Variants in KCNQ1 observed in about 807,000 individuals in gnomAD.
KCNQ1 encodes the protein potassium voltage-gated channel subfamily Q member 1, also known as potassium voltage-gated channel subfamily KQT member 1.
Under a neutral mutation model 72.4 loss-of-function variants are expected in KCNQ1, and 49 were observed. The observed-to-expected ratio is 0.68, with a 90% confidence interval of 0.54 to 0.86. KCNQ1 has a LOEUF of 0.86. Ranked by LOEUF, KCNQ1 falls within the 40% of genes least tolerant of loss-of-function variation. The pLI is 0.00. For missense variants in KCNQ1, 790 were observed against 945.1 expected, an observed-to-expected ratio of 0.84 and a Z score of 2.15; for synonymous variants, 450 against 412.6, an observed-to-expected ratio of 1.09 and a Z score of -1.10.
intron 15 of KCNQ1, among the ~76,000 whole-genome samples, chr11:2,819,066 T>C (rs1347793205): frequency 1.3e-5 from 2 of 152,240 alleles, no homozygotes; most frequent in Admixed American, 6.5e-5. Context: ...GATTCTGCCC[T>C]ACAGGATTAG....
chr11:2,528,703 G>A (rs892774810), intron 2 of KCNQ1, among the ~76,000 whole-genome samples: 1 of 152,244 alleles, frequency 6.6e-6, no homozygotes, highest in African/African-American at 2.4e-5. Flanking sequence ...CCGTGGCCAG[G>A]CTTTTGTGTT....
intron 10 of KCNQ1, chr11:2,609,812 CCTTTGA>C (rs1848949008): frequency 2.5e-6 from 1 of 398,076 alleles, no homozygotes; most frequent in Non-Finnish European, 4.4e-6. Flanking sequence ...TTTAAAATCT[CCTTTGA>C]CTTTATTATA....
At chr11:2,521,662 CT>C (rs1022051348) in intron 1 of KCNQ1, 4 of 402,968 alleles carry the variant, frequency 9.9e-6, no homozygotes, top group African/African-American at 4.2e-5. Context: ...AGGTGGCTCT[CT>C]TTAAGGTTCC....
chr11:2,623,619 T>C lies in KCNQ1; in HGVS notation c.1393+34765T>C, dbSNP rs1849211400. 2.5e-6 allele frequency: 1 copy of C among 398,608 alleles called. No homozygotes were observed. Among genetic ancestry groups the C allele is most frequent in the Non-Finnish European group, 4.4e-6 (1 of 226,048 alleles). The allele number at this position is 398,608 out of a possible 1,614,324, so 24.7% of individuals were successfully genotyped here. The stretch of plus-strand genomic sequence containing the variant: ...TTGATAGCTCATTTCTATTTAGTGA[T>C]GAATAATATTTCATTGCCTGGATGT... On this transcript the variant is annotated intron_variant, in intron 10 of 15. Transcript: ENST00000155840. The surrounding 1 kb of genome is among the most constrained non-coding windows in gnomAD (Gnocchi z 5.2).
rs1308171860 is a variant in KCNQ1 at position 2,662,206 on chromosome 11, T to G, written c.1514+125T>G. The G allele has an allele frequency of 7.4e-6, 10 of 1,349,252 alleles. No homozygotes were observed. The East Asian group carries it at 2.3e-4, about 31-fold the overall frequency. The allele number at this position is 1,349,252 out of a possible 1,614,324, so 83.6% of individuals were successfully genotyped here. On this transcript the variant is annotated intron_variant, in intron 11 of 15. Coordinates refer to ENST00000155840, the MANE Select transcript of KCNQ1 (RefSeq NM_000218.3). ...TATCTACTCGCCTAGTGCCCACCAC[T>G]TGCCGTCTGCCTGGCCCCAACACGG...
At chr11:2,619,119 A>C (rs1156419157) in intron 10 of KCNQ1, 1 of 398,528 alleles carries the variant, frequency 2.5e-6, no homozygotes, top group African/African-American at 2.1e-5. Flanking sequence ...TGTCATCTTC[A>C]TATAAAGATA....
In KCNQ1 at chr11:2,515,627, C is replaced by T. The variant is rs893246981; in HGVS notation, c.387-12301C>T. On this transcript the variant is annotated intron_variant, in intron 1 of 15. Transcript: ENST00000155840. The surrounding 1 kb of genome is among the most constrained non-coding windows in gnomAD (Gnocchi z 4.7). ...ATCTGGTCTGCCCAGCCCCTCCTCA[C>T]CCTAGGCAGGCCTCTCACAGAGACA... 1.3e-5 allele frequency among the ~76,000 whole-genome samples: 2 copies of T among 152,148 alleles called. No homozygotes were observed. The highest frequency in any genetic ancestry group is 2.9e-5 in the Non-Finnish European group (2 of 68,016).
At chr11:2,449,250 G>C (rs946501478) in intron 1 of KCNQ1, among the ~76,000 whole-genome samples, 4 of 152,258 alleles carry the variant, frequency 2.6e-5, no homozygotes, top group Non-Finnish European at 5.9e-5. Flanking sequence ...TGAAGCCACA[G>C]CTCCCTGTGG....
chr11:2,519,029 A>G (rs116615286), intron 1 of KCNQ1, among the ~76,000 whole-genome samples: 3,421 of 152,228 alleles, frequency 0.022, 108 homozygotes, highest in African/African-American at 0.071. Context: ...AGGGGCTTCC[A>G]AGGCCCTGCC....
intron 2 of KCNQ1, among the ~76,000 whole-genome samples, chr11:2,529,708 C>T (rs1348682319): frequency 6.6e-6 from 1 of 152,154 alleles, no homozygotes; most frequent in East Asian, 1.9e-4. Context: ...TTCCCTCTGT[C>T]CTTTGCATCT....
chr11:2,586,134 C>T (rs545558404), intron 8 of KCNQ1, among the ~76,000 whole-genome samples: 12 of 152,290 alleles, frequency 7.9e-5, no homozygotes, highest in African/African-American at 1.4e-4. Context: ...ATAGGGCCTC[C>T]GCCCAGTGCA....
rs567227533 is a variant in KCNQ1 at position 2,582,168 on chromosome 11, C to T, written c.922-1267C>T. On this transcript the variant is annotated intron_variant, in intron 6 of 15. Coordinates refer to ENST00000155840, the MANE Select transcript of KCNQ1 (RefSeq NM_000218.3). ...TGGCCGCTTCTGCTACCTGAGCCTC[C>T]GAGCCTCCTGCTGTGGCAGTTCTGG... Among the ~76,000 whole-genome samples, 285 of 152,298 alleles carry T rather than the reference C, an allele frequency of 1.9e-3. 3 individuals are homozygous for T. Among genetic ancestry groups the T allele is most frequent in the East Asian group, 7.5e-3 (39 of 5,168 alleles).
intron 15 of KCNQ1, among the ~76,000 whole-genome samples, chr11:2,833,780 AGT>A (rs1848004201): frequency 6.6e-6 from 1 of 152,222 alleles, no homozygotes; most frequent in Non-Finnish European, 1.5e-5. Flanking sequence ...CCGAGACAAC[AGT>A]GGGGAAGGTG....
At chr11:2,519,782 C>A (rs1450204914) in intron 1 of KCNQ1, among the ~76,000 whole-genome samples, 1 of 129,952 alleles carries the variant, frequency 7.7e-6, no homozygotes, top group Non-Finnish European at 1.6e-5. Context: ...GGCCCCCCCC[C>A]ACAACATTGG....
intron 11 of KCNQ1, chr11:2,681,842 A>G (rs1053386809): frequency 2.5e-6 from 1 of 398,422 alleles, no homozygotes; most frequent in African/African-American, 2.1e-5. Flanking sequence ...CTCCCCAAAC[A>G]TCAAGGTACT....
At position 2,488,408 on chromosome 11, in the gene KCNQ1, T is replaced by G. The variant is rs35955303; in HGVS notation, c.387-39520T>G. ...ACCTTTCCCCTCCTCTTTAATTTTTTGGGAAAGATTGAGAAGGATGGGAGT... is the reference window on the plus strand; with the variant it reads ...ACCTTTCCCCTCCTCTTTAATTTTTGGGGAAAGATTGAGAAGGATGGGAGT... On this transcript the variant is annotated intron_variant, in intron 1 of 15. Coordinates refer to ENST00000155840, the MANE Select transcript of KCNQ1 (RefSeq NM_000218.3). This position sits in a 1 kb window ranked among gnomAD's most constrained non-coding sequence, Gnocchi z 5.1. 0.17 allele frequency among the ~76,000 whole-genome samples: 26,602 copies of G among 152,204 alleles called. 2,459 individuals are homozygous for G. The highest frequency in any genetic ancestry group is 0.24 in the African/African-American group (9,817 of 41,538).
chr11:2,804,349 C>G (rs1199383521), intron 15 of KCNQ1, among the ~76,000 whole-genome samples: 1 of 152,214 alleles, frequency 6.6e-6, no homozygotes, highest in East Asian at 1.9e-4. Flanking sequence ...AGTCACCCAA[C>G]TCAGTGGTAG....
intron 1 of KCNQ1, among the ~76,000 whole-genome samples, chr11:2,455,439 G>C (rs1339232673): frequency 6.6e-6 from 1 of 152,146 alleles, no homozygotes; most frequent in Non-Finnish European, 1.5e-5. Context: ...CAAACTCAGA[G>C]CCAAATCAAG....
At chr11:2,615,018 C>A in intron 10 of KCNQ1, 1 of 398,426 alleles carries the variant, frequency 2.5e-6, no homozygotes, top group Non-Finnish European at 4.4e-6. Flanking sequence ...ATCTTCCAAT[C>A]TGTGAACACA....
Sources: gnomAD v4.1 joint callset for allele counts (sites outside exome capture counted in the v4.1 genomes callset) on GRCh38, gnomAD v4.1.1 for gene constraint, Gnocchi (gnomAD v3.1) non-coding constraint, MANE v1.5 for transcripts, NCBI Gene and HGNC (gene_info 2026-07-23, HGNC 2026-07-21) for gene names.